Variants in FILIP1 observed in about 807,000 individuals in gnomAD.
FILIP1 encodes filamin-A-interacting protein 1.
FILIP1 carries 61 observed loss-of-function variants against 102.1 expected under a neutral mutation model. The ratio of observed to expected loss-of-function variants is 0.60; its 90% confidence interval spans 0.49 to 0.74. The LOEUF (loss-of-function observed/expected upper bound fraction) is 0.74, where lower values mean the gene tolerates loss of function less well. FILIP1 is among the 30% of genes least tolerant of loss of function. The pLI, the probability that FILIP1 is intolerant of heterozygous loss-of-function variation, is 0.00. For synonymous variants in FILIP1, 491 were observed against 526.9 expected, an observed-to-expected ratio of 0.93 and a Z score of 0.93; for missense variants, 1,314 against 1,441.2, an observed-to-expected ratio of 0.91 and a Z score of 1.43.
chr6:75,474,880 C>A (rs1200323591), intron 1 of FILIP1, among the ~76,000 whole-genome samples: 1 of 152,066 alleles, frequency 6.6e-6, no homozygotes, highest in Non-Finnish European at 1.5e-5. Context: ...ATGGAATTCT[C>A]ATGAGAGCTG....
chr6:75,301,499 C>T (rs530211181), intron 6 of FILIP1, among the ~76,000 whole-genome samples: 3 of 152,088 alleles, frequency 2.0e-5, no homozygotes, highest in African/African-American at 7.2e-5. Context: ...TAGTAATTAT[C>T]CTCTTGATCT....
chr6:75,460,012 C>T (rs1778970887), intron 1 of FILIP1, among the ~76,000 whole-genome samples: 1 of 152,164 alleles, frequency 6.6e-6, no homozygotes, highest in Non-Finnish European at 1.5e-5. Flanking sequence ...ACTTAAGACT[C>T]CAACAGAGCC....
intron 4 of FILIP1, among the ~76,000 whole-genome samples, chr6:75,322,599 GAC>G (rs1773700483): frequency 6.6e-6 from 1 of 152,206 alleles, no homozygotes; most frequent in South Asian, 2.1e-4. Context: ...AGAGAACAAA[GAC>G]AAGTAAATGA....
intron 4 of FILIP1, among the ~76,000 whole-genome samples, chr6:75,342,217 T>G (rs908634024): frequency 1.3e-5 from 2 of 152,212 alleles, no homozygotes; most frequent in East Asian, 1.9e-4. Flanking sequence ...ACCATGTAAC[T>G]AGAGTAACCT....
chr6:75,426,233 A>G (rs1777621146), intron 1 of FILIP1, among the ~76,000 whole-genome samples: 1 of 152,136 alleles, frequency 6.6e-6, no homozygotes, highest in Non-Finnish European at 1.5e-5. Flanking sequence ...TAATTAGAAA[A>G]TGACTGAAAA....
intron 1 of FILIP1, among the ~76,000 whole-genome samples, chr6:75,450,853 G>C (rs1325182567): frequency 6.6e-6 from 1 of 151,994 alleles, no homozygotes; most frequent in Non-Finnish European, 1.5e-5. Flanking sequence ...TACTCAGGTT[G>C]CTGAGGCAGG....
At position 75,312,534 on chromosome 6, in the gene FILIP1, C is replaced by T. The variant is rs868698674; in HGVS notation, c.3298G>A (p.Glu1100Lys). The T allele has an allele frequency of 1.2e-6, 2 of 1,614,172 alleles. No homozygotes were observed. The highest frequency in any genetic ancestry group is 2.2e-5 in the East Asian group (1 of 44,892). ...ITVRPVNVTA[E>K]KEVSTGTVLR... ...ACAGTGCCGGTGGAAACCTCCTTTT[C>T]GGCTGTCACGTTTACTGGTCGGACA... The change falls in exon 5 of 6, where the codon GAA becomes AAA. Residue 1100 changes from glutamate to lysine, a missense_variant. Physicochemically the swap from Glu to Lys is moderately conservative, Grantham distance 56. This residue lies in a region of FILIP1 where 816 missense variants were observed against 913.1 expected (regional missense o/e 0.89). Coordinates refer to ENST00000237172, the MANE Select transcript of FILIP1 (RefSeq NM_015687.5).
intron 1 of FILIP1, among the ~76,000 whole-genome samples, chr6:75,422,734 C>A (rs1777508176): frequency 6.6e-6 from 1 of 152,154 alleles, no homozygotes; most frequent in African/African-American, 2.4e-5. Context: ...GACATTGGTG[C>A]AAAAGCAACT....
chr6:75,344,662 A>C (rs1258521442), intron 4 of FILIP1, among the ~76,000 whole-genome samples: 6 of 152,342 alleles, frequency 3.9e-5, no homozygotes, highest in Admixed American at 3.3e-4. Context: ...TGTCCAGGAC[A>C]GTTGTCAACT....
At chr6:75,293,585 C>A (rs1198428369) in exon 7 of FILIP1, 1 of 152,122 alleles carries the variant, frequency 6.6e-6, no homozygotes, top group African/African-American at 2.4e-5. Context: ...CCATCATCCT[C>A]ATTGTTCTTG....
At chr6:75,300,425 CCCGA>C (rs1485742397) in intron 6 of FILIP1, among the ~76,000 whole-genome samples, 2 of 152,334 alleles carry the variant, frequency 1.3e-5, no homozygotes, top group African/African-American at 4.8e-5. Context: ...CTTCCCCTCC[CCCGA>C]CCAAGTACCA....
rs1229153574 is a variant in FILIP1 at position 75,314,217 on chromosome 6, T to C, written c.1615A>G (p.Lys539Glu). The change falls in exon 5 of 6, where the codon AAA becomes GAA. Residue 539 changes from lysine (K) to glutamate (E), a missense_variant. By Grantham distance (56) the Lys-to-Glu change is moderately conservative. Coordinates refer to ENST00000237172, the MANE Select transcript of FILIP1 (RefSeq NM_015687.5). ...AGTTTTTCAGTTACATCCATAACTTTTCCTTGTTCCACCTTAAAATTTTTA... is the reference window on the plus strand; with the variant it reads ...AGTTTTTCAGTTACATCCATAACTTCTCCTTGTTCCACCTTAAAATTTTTA... ...LNKNFKVEQG[K>E]VMDVTEKLIE... 5 of 1,562,386 alleles carry C rather than the reference T, an allele frequency of 3.2e-6. No individual in the cohort carries two copies. Among genetic ancestry groups the C allele is most frequent in the Non-Finnish European group, 4.3e-6 (5 of 1,165,124 alleles).
At chr6:75,447,332 G>A (rs1778472163) in intron 1 of FILIP1, among the ~76,000 whole-genome samples, 1 of 152,004 alleles carries the variant, frequency 6.6e-6, no homozygotes, top group Non-Finnish European at 1.5e-5. Context: ...TTTTTAATTG[G>A]CAGGAAGCAT....
chr6:75,412,968 GA>G (rs1363217753), intron 2 of FILIP1, among the ~76,000 whole-genome samples: 1 of 152,122 alleles, frequency 6.6e-6, no homozygotes, highest in African/African-American at 2.4e-5. Context: ...TATTTATAAA[GA>G]TTAATGGAAA....
Position 75,473,091 on chromosome 6 carries a change from T to C in FILIP1, c.-7+20323A>G, listed in dbSNP as rs544242317. ...CTTTTTCAGTTGCAGAGTGTGCATA[T>C]GAAACCAGGTCTGGCTACTTTCAAA... is the stretch of plus-strand genomic sequence containing the variant. On this transcript the variant is annotated intron_variant, in intron 1 of 5. Transcript: ENST00000237172. Among the ~76,000 whole-genome samples the C allele has an allele frequency of 1.2e-4, 18 of 152,294 alleles. No homozygotes were observed. The East Asian group carries it at 2.9e-3, about 24-fold the overall frequency.
exon 7 of FILIP1, chr6:75,295,752 C>A (rs746755598): frequency 1.1e-4 from 46 of 428,642 alleles, no homozygotes; most frequent in Non-Finnish European, 1.7e-4. Context: ...CCATTTTCAG[C>A]TTTTTACATT....
chr6:75,350,075 C>T (rs1774736699), intron 4 of FILIP1, among the ~76,000 whole-genome samples: 1 of 151,940 alleles, frequency 6.6e-6, no homozygotes, highest in Admixed American at 6.6e-5. Context: ...AATTCAGAGA[C>T]GCCAACTTAA....
At chr6:75,465,443 T>A in intron 1 of FILIP1, 1 of 891,576 alleles carries the variant, frequency 1.1e-6, no homozygotes, top group Non-Finnish European at 1.7e-6. Flanking sequence ...CACTGACCCA[T>A]ATCAATGCTA....
chr6:75,414,740 T>G lies in FILIP1; in HGVS notation c.233A>C (p.Glu78Ala), dbSNP rs750268485. The G allele has an allele frequency of 6.2e-7, 1 of 1,613,874 alleles. No homozygotes were observed. Among genetic ancestry groups the G allele is most frequent in the South Asian group, 1.1e-5 (1 of 91,072 alleles). ...TATACTGAGTAGTTGGATGAGGTCT[T>G]CTTTGGATAACTCCAGGGATTTCTT... The part of the protein sequence containing the change: ...KTKKSLELSK[E>A]DLIQLLSIME... The change falls in exon 2 of 6, where the codon GAA (glutamate) becomes GCA (alanine). Residue 78 changes from glutamate to alanine, a missense_variant. Around this residue, in one of 3 missense-constraint regions of FILIP1, gnomAD observed 494 missense variants for 511.2 expected, o/e 0.97. Transcript: ENST00000237172.
Sources: gnomAD v4.1 joint callset for allele counts (sites outside exome capture counted in the v4.1 genomes callset) on GRCh38, gnomAD v4.1.1 for gene constraint, gnomAD v4.1.1 regional missense constraint, MANE v1.5 for transcripts, NCBI Gene and HGNC (gene_info 2026-07-23, HGNC 2026-07-21) for gene names.